NRXN1: variants seen among roughly 807,000 people sequenced by gnomAD.
NRXN1 encodes neurexin 1, also known as neurexin-1.
NRXN1 carries 39 observed loss-of-function variants against 150.9 expected under a neutral mutation model. The observed-to-expected ratio is 0.26, with a 90% CI of 0.20 to 0.34. The LOEUF (loss-of-function observed/expected upper bound fraction) is 0.34. Among genes scored for constraint, NRXN1 ranks in the 10% least tolerant of loss-of-function variants. The probability of loss-of-function intolerance (pLI) is 1.00; values close to 1 mark genes in which losing one functional copy is unlikely to be tolerated. For synonymous variants in NRXN1, 924 were observed against 757.0 expected, an observed-to-expected ratio of 1.22 and a Z score of -3.62; for missense variants, 1,815 against 1,949.9, an observed-to-expected ratio of 0.93 and a Z score of 1.30.
chr2:50,417,813 G>T (rs2083664948), intron 17 of NRXN1, among the ~76,000 whole-genome samples: 1 of 151,754 alleles, frequency 6.6e-6, no homozygotes, highest in Admixed American at 6.6e-5. Flanking sequence ...AAGTCCAAAA[G>T]AACGCACATC....
intron 18 of NRXN1, among the ~76,000 whole-genome samples, chr2:50,203,368 A>G (rs1209240490): frequency 6.6e-6 from 1 of 152,188 alleles, no homozygotes; most frequent in African/African-American, 2.4e-5. Flanking sequence ...GGGTCTTTAC[A>G]TTCTTGAATG....
intron 17 of NRXN1, among the ~76,000 whole-genome samples, chr2:50,289,080 T>C (rs1177814803): frequency 1.3e-5 from 2 of 151,980 alleles, no homozygotes; most frequent in African/African-American, 4.8e-5. Flanking sequence ...AGGGAACGTA[T>C]AAGGAGAAAT....
chr2:50,401,271 G>A (rs960505558), intron 17 of NRXN1, among the ~76,000 whole-genome samples: 6 of 152,120 alleles, frequency 3.9e-5, no homozygotes, highest in African/African-American at 1.4e-4. Flanking sequence ...GGGAAGGCCT[G>A]CTAGTAAAAT....
rs1003607470 is a variant in NRXN1, at chr2:50,405,680, G to A, written c.3364+59762C>T. Reference sequence around the variant, plus strand: ...CTACCTCAACATGGTACAGTGGGAAGCAAACAAAATTGGGAATCAGAAGAC... The same window carrying A: ...CTACCTCAACATGGTACAGTGGGAAACAAACAAAATTGGGAATCAGAAGAC... On this transcript the variant is annotated intron_variant, in intron 17 of 22. Transcript: ENST00000401669. Among the ~76,000 whole-genome samples the A allele has an allele frequency of 2.0e-5, 3 of 152,038 alleles. No homozygotes were observed. The East Asian group carries it at 5.8e-4, about 29-fold the overall frequency.
chr2:49,999,197 T>C (rs7603788), intron 21 of NRXN1, among the ~76,000 whole-genome samples: 72,027 of 151,904 alleles, frequency 0.47, 17,678 homozygotes, highest in Middle Eastern at 0.62. Context: ...GAATTGTGTC[T>C]AGATTAAAAG....
At chr2:50,818,287 A>G (rs1442131668) in intron 5 of NRXN1, among the ~76,000 whole-genome samples, 1 of 151,838 alleles carries the variant, frequency 6.6e-6, no homozygotes, top group Non-Finnish European at 1.5e-5. Context: ...CATCTTAACA[A>G]TATTAAGCAT....
chr2:50,240,870 T>C (rs2065939519), intron 17 of NRXN1, among the ~76,000 whole-genome samples: 2 of 151,678 alleles, frequency 1.3e-5, no homozygotes, highest in Non-Finnish European at 3.0e-5. Context: ...ATAGGTGTCA[T>C]GTGTGAGGGC....
At chr2:50,857,343 C>T (rs1238404970) in intron 5 of NRXN1, among the ~76,000 whole-genome samples, 1 of 152,018 alleles carries the variant, frequency 6.6e-6, no homozygotes, top group African/African-American at 2.4e-5. Flanking sequence ...CCAGTGGTGG[C>T]TACATGGCTG....
At chr2:50,628,430 G>C (rs889352439) in intron 5 of NRXN1, among the ~76,000 whole-genome samples, 1 of 151,672 alleles carries the variant, frequency 6.6e-6, no homozygotes, top group Non-Finnish European at 1.5e-5. Context: ...CCATAAATGG[G>C]ACATAAATCT....
At chr2:50,488,162 C>T (rs954695057) in intron 15 of NRXN1, among the ~76,000 whole-genome samples, 1 of 152,176 alleles carries the variant, frequency 6.6e-6, no homozygotes, top group African/African-American at 2.4e-5. Flanking sequence ...AAAAATCACA[C>T]TTTTTGAGCC....
At chr2:50,236,739 A>G in intron 18 of NRXN1, 50 bp downstream of exon 18, 3 of 1,568,144 alleles carry the variant, frequency 1.9e-6, no homozygotes, top group Non-Finnish European at 2.6e-6. Context: ...TTCTTTACAA[A>G]AAGTTAACAG....
intron 17 of NRXN1, among the ~76,000 whole-genome samples, chr2:50,254,084 C>T (rs2067440468): frequency 6.6e-6 from 1 of 151,896 alleles, no homozygotes; most frequent in African/African-American, 2.4e-5. Flanking sequence ...TACTGCCTTA[C>T]TTTCAGAACC....
chr2:50,752,570 T>C (rs899615163), intron 5 of NRXN1, among the ~76,000 whole-genome samples: 26 of 151,888 alleles, frequency 1.7e-4, no homozygotes, highest in African/African-American at 6.0e-4. Flanking sequence ...TCCTTACCCA[T>C]GCTCTGAAAA....
At chr2:50,045,756 G>C (rs1691707191) in intron 21 of NRXN1, among the ~76,000 whole-genome samples, 1 of 152,066 alleles carries the variant, frequency 6.6e-6, no homozygotes, top group Non-Finnish European at 1.5e-5. Context: ...ACTGAGACTA[G>C]ACATTTTAGA....
At chr2:50,069,975 C>T (rs139748203) in intron 19 of NRXN1, among the ~76,000 whole-genome samples, 84 of 151,722 alleles carry the variant, frequency 5.5e-4, no homozygotes, top group African/African-American at 1.7e-3. Flanking sequence ...CTCAGCCTCC[C>T]GAGTAGCTGG....
chr2:50,704,858 A>G (rs1033610169), intron 5 of NRXN1, among the ~76,000 whole-genome samples: 5 of 151,970 alleles, frequency 3.3e-5, no homozygotes, highest in Admixed American at 6.6e-5. Flanking sequence ...ACAATTTACA[A>G]TAGTTTCTAA....
In NRXN1 at chr2:50,972,470, T is replaced by C. The variant is rs1282376827; in HGVS notation, c.773-46515A>G. On this transcript the variant is annotated intron_variant, in intron 2 of 22. Transcript: ENST00000401669. ...TTTTTGGCACCAGGAACTGGTTTTG[T>C]GGAGGAAAATCCATAGACTGGGGAG... Among the ~76,000 whole-genome samples, 2 of 152,124 alleles carry C rather than the reference T, an allele frequency of 1.3e-5. 1 individual carries two copies. The highest frequency in any genetic ancestry group is 4.8e-5 in the African/African-American group (2 of 41,424).
At chr2:50,596,577 T>C (rs1164063099) in intron 8 of NRXN1, among the ~76,000 whole-genome samples, 1 of 152,210 alleles carries the variant, frequency 6.6e-6, no homozygotes, top group African/African-American at 2.4e-5. Context: ...TTCCACTGTG[T>C]CTAGACAGTG....
At chr2:50,464,872 CAT>C (rs375237569) in intron 17 of NRXN1, among the ~76,000 whole-genome samples, 35 of 151,748 alleles carry the variant, frequency 2.3e-4, no homozygotes, top group African/African-American at 7.3e-4. Flanking sequence ...TAATGTGAAT[CAT>C]GTGTTTTATT....
Sources: allele counts gnomAD v4.1 joint callset (sites outside exome capture counted in the v4.1 genomes callset), GRCh38; gene constraint gnomAD v4.1.1; transcripts MANE v1.5; gene names NCBI Gene and HGNC (gene_info 2026-07-23, HGNC 2026-07-21).